The following VPS53 variants were observed in gnomAD, a reference collection of about 807,000 sequenced individuals.
VPS53 encodes the protein VPS53 subunit of GARP complex, also known as vacuolar protein sorting-associated protein 53 homolog.
In VPS53, 70 loss-of-function variants were observed where a neutral mutation model predicts 107.0. The ratio of observed to expected loss-of-function variants is 0.65; its 90% confidence interval spans 0.54 to 0.80. VPS53 has a LOEUF of 0.80. Among genes scored for constraint, VPS53 ranks in the 30% least tolerant of loss-of-function variants. The probability of loss-of-function intolerance (pLI) is 0.00; values close to 1 mark genes in which losing one functional copy is unlikely to be tolerated. For synonymous variants in VPS53, 409 were observed against 393.3 expected (o/e 1.04, Z -0.47); for missense variants, 917 against 1,049.4 (o/e 0.87, Z 1.74).
chr17:542,826 A>T (rs1346884217), intron 17 of VPS53, among the ~76,000 whole-genome samples: 1 of 152,114 alleles, frequency 6.6e-6, no homozygotes. Context: ...CAAAAATACA[A>T]AATTAGCCGG....
Position 575,675 on chromosome 17 carries a change from G to C in VPS53, c.1313+10595C>G, listed in dbSNP as rs181495084. Among the ~76,000 whole-genome samples, 214 of 147,854 alleles carry C rather than the reference G, an allele frequency of 1.4e-3. 1 individual carries two copies. The highest frequency in any genetic ancestry group is 5.2e-3 in the African/African-American group (208 of 39,720). On this transcript the variant is annotated intron_variant, in intron 13 of 21. Coordinates refer to ENST00000437048, the MANE Select transcript of VPS53 (RefSeq NM_001128159.3). ...CCCTCAGGATCTAATGTGTTCCAGG[G>C]AACCTCCCTCAGAACCTCAATGCGT...
intron 11 of VPS53, among the ~76,000 whole-genome samples, chr17:619,256 A>G (rs1173952772): frequency 2.7e-4 from 34 of 126,264 alleles, no homozygotes; most frequent in South Asian, 8.1e-4. Flanking sequence ...CTGGGTAGCT[A>G]GGACTACACG....
At chr17:631,171 C>T (rs982914416) in intron 8 of VPS53, among the ~76,000 whole-genome samples, 1 of 151,944 alleles carries the variant, frequency 6.6e-6, no homozygotes, top group Non-Finnish European at 1.5e-5. Flanking sequence ...GATGCTCCAC[C>T]CAGTTGTCTT....
intron 19 of VPS53, among the ~76,000 whole-genome samples, chr17:529,394 A>ACT (rs1555547298): frequency 9.9e-6 from 1 of 101,472 alleles, no homozygotes; most frequent in East Asian, 4.1e-4. Flanking sequence ...TCACACACAC[A>ACT]CACTCACACA....
At chr17:573,482 G>T (rs1472634300) in intron 13 of VPS53, among the ~76,000 whole-genome samples, 1 of 152,098 alleles carries the variant, frequency 6.6e-6, no homozygotes, top group Non-Finnish European at 1.5e-5. Flanking sequence ...TGGGAGGCTG[G>T]GGAGATGAGA....
At chr17:548,435 T>C (rs12945699) in intron 17 of VPS53, among the ~76,000 whole-genome samples, 907 of 73,968 alleles carry the variant, frequency 0.012, 188 homozygotes, top group South Asian at 0.041. Context: ...CTTCTGGAAA[T>C]ATCCAACGAC....
At chr17:605,961 C>G (rs543106977) in intron 11 of VPS53, among the ~76,000 whole-genome samples, 66 of 152,202 alleles carry the variant, frequency 4.3e-4, no homozygotes, top group African/African-American at 1.6e-3. Context: ...AAATATTCCA[C>G]TGCTGTAGGG....
chr17:614,483 C>A (rs776806751), intron 11 of VPS53, among the ~76,000 whole-genome samples: 8 of 152,160 alleles, frequency 5.3e-5, no homozygotes, highest in Non-Finnish European at 1.2e-4. Context: ...AGAAGTTAAT[C>A]GTCCCTTGCA....
At chr17:665,925 A>G (rs999096526) in intron 4 of VPS53, among the ~76,000 whole-genome samples, 1 of 151,990 alleles carries the variant, frequency 6.6e-6, no homozygotes. Context: ...AATCACTTAA[A>G]CCCAGGAGGC....
Position 562,580 on chromosome 17 carries a change from G to A in VPS53, c.1479C>T (p.Pro493=). 1.2e-6 allele frequency: 2 copies of A among 1,613,874 alleles called. No individual in the cohort carries two copies. Among genetic ancestry groups the A allele is most frequent in the African/African-American group, 2.7e-5 (2 of 74,960 alleles). The part of the protein sequence containing the change: ...VQCSQLSTGE[P]MIALTTIFQK... ...GGAAAATGGTGGTCAGGGCGATCATGGGCTCCCCAGTACTGAGCTGAGAGC... is the reference window on the plus strand; with the variant it reads ...GGAAAATGGTGGTCAGGGCGATCATAGGCTCCCCAGTACTGAGCTGAGAGC... Residue 493 remains proline, a synonymous_variant, in exon 14 of 22, where the codon CCC becomes CCT. Coordinates refer to ENST00000437048, the MANE Select transcript of VPS53 (RefSeq NM_001128159.3).
At chr17:544,626 T>C (rs1911041659) in intron 17 of VPS53, among the ~76,000 whole-genome samples, 1 of 152,194 alleles carries the variant, frequency 6.6e-6, no homozygotes, top group Non-Finnish European at 1.5e-5. Context: ...GAGCAGGTGA[T>C]TTAATGTCTC....
intron 11 of VPS53, among the ~76,000 whole-genome samples, chr17:622,629 G>C (rs1210923039): frequency 6.6e-6 from 1 of 152,146 alleles, no homozygotes; most frequent in African/African-American, 2.4e-5. Flanking sequence ...AGAGTCACTT[G>C]GTTTCCCAGT....
At position 610,025 on chromosome 17, in the gene VPS53, G is replaced by A. The variant is rs186731095; in HGVS notation, c.1117-8129C>T. ...CGGGCGCCTGTAGTCCCAGCTACGCGGAGGCTGAGGCAGGAGAATGGCGTG... is the reference window on the plus strand; with the variant it reads ...CGGGCGCCTGTAGTCCCAGCTACGCAGAGGCTGAGGCAGGAGAATGGCGTG... On this transcript the variant is annotated intron_variant, in intron 11 of 21. Transcript: ENST00000437048. Among the ~76,000 whole-genome samples the A allele has an allele frequency of 1.4e-4, 21 of 151,894 alleles. No individual in the cohort carries two copies. The South Asian group carries it at 1.5e-3, about 11-fold the overall frequency.
At chr17:701,577 C>A (rs1973204692) in intron 2 of VPS53, among the ~76,000 whole-genome samples, 1 of 152,032 alleles carries the variant, frequency 6.6e-6, no homozygotes, top group Non-Finnish European at 1.5e-5. Flanking sequence ...GGGGTTTCAC[C>A]ACGTTGGCCA....
At chr17:675,144 A>T (rs1263728856) in intron 4 of VPS53, 1 of 152,240 alleles carries the variant, frequency 6.6e-6, no homozygotes, top group Non-Finnish European at 1.5e-5. Flanking sequence ...CCTTAATTAC[A>T]GAGATCTGGA....
intron 4 of VPS53, among the ~76,000 whole-genome samples, chr17:667,648 A>G (rs1971751872): frequency 2.6e-5 from 1 of 38,510 alleles, no homozygotes; most frequent in Admixed American, 4.0e-4. Flanking sequence ...TTTTAAACAT[A>G]ATGTTCTGGG....
rs763666952 is a variant in VPS53, at chr17:714,588, C to A, written c.87+35G>T. ...CGGAGCTGCCGTCTCCCCTCCCGCACTCCCGTTTCCCCTCCTGAGGGGCGG... is the reference window on the plus strand; with the variant it reads ...CGGAGCTGCCGTCTCCCCTCCCGCAATCCCGTTTCCCCTCCTGAGGGGCGG... On this transcript the variant is annotated intron_variant, in intron 1 of 21. Transcript: ENST00000437048. 6.1e-5 allele frequency: 97 copies of A among 1,580,180 alleles called. 1 individual carries two copies. In the South Asian group the frequency reaches 1.0e-3, roughly 17 times the overall value.
chr17:657,942 C>CT (rs1971263371), intron 5 of VPS53, among the ~76,000 whole-genome samples: 1 of 149,942 alleles, frequency 6.7e-6, no homozygotes, highest in Non-Finnish European at 1.5e-5. Context: ...ATACATCGCA[C>CT]TAAAGTGAGA....
Position 511,300 on chromosome 17 carries a change from C to A in VPS53, c.*7828G>T, listed in dbSNP as rs9916241. ...TTTCACCTGAGACCCCTGAAAGCTGCAGCCCACACTGCAAATACTTTTCTT... is the reference window on the plus strand; with the variant it reads ...TTTCACCTGAGACCCCTGAAAGCTGAAGCCCACACTGCAAATACTTTTCTT... On this transcript the variant is annotated 3_prime_UTR_variant, in exon 22 of 22. Transcript: ENST00000437048. The A allele has an allele frequency of 0.17, 26,207 of 152,112 alleles. 5,629 individuals carry two copies. Among genetic ancestry groups the A allele is most frequent in the African/African-American group, 0.49 (20,471 of 41,414 alleles). 9.4% of individuals were successfully genotyped at this position (152,112 alleles called of 1,614,324 possible).
Sources: gnomAD v4.1 joint callset for allele counts (sites outside exome capture counted in the v4.1 genomes callset) on GRCh38, gnomAD v4.1.1 for gene constraint, MANE v1.5 for transcripts, NCBI Gene and HGNC (gene_info 2026-07-23, HGNC 2026-07-21) for gene names.